Variants in SAMMSON observed in about 807,000 individuals in gnomAD.
SAMMSON encodes long intergenic non-protein coding RNA 1212.
chr3:70,292,482 T>G (rs1294334393), intron 7 of SAMMSON, among the ~76,000 whole-genome samples: 1 of 152,108 alleles, frequency 6.6e-6, no homozygotes, highest in African/African-American at 2.4e-5. Flanking sequence ...GAAACAATCG[T>G]AAAGATGAAG....
intron 4 of SAMMSON, among the ~76,000 whole-genome samples, chr3:70,171,615 T>G (rs76708080): frequency 0.031 from 4,650 of 151,524 alleles, 157 homozygotes; most frequent in East Asian, 0.18. Context: ...GCACAGTCTT[T>G]GGGGGGGGGA....
At chr3:70,414,881 A>G (rs1701250725) in intron 2 of SAMMSON, among the ~76,000 whole-genome samples, 1 of 152,202 alleles carries the variant, frequency 6.6e-6, no homozygotes, top group Admixed American at 6.5e-5. Context: ...TCTAAAGTAA[A>G]TATAATTTTT....
At chr3:70,146,766 G>C (rs888912259) in intron 4 of SAMMSON, among the ~76,000 whole-genome samples, 1 of 151,928 alleles carries the variant, frequency 6.6e-6, no homozygotes, top group Non-Finnish European at 1.5e-5. Flanking sequence ...ACAAAGCAAA[G>C]ATGTACACTT....
At chr3:70,399,956 G>T (rs1050927961) in intron 2 of SAMMSON, among the ~76,000 whole-genome samples, 3 of 148,438 alleles carry the variant, frequency 2.0e-5, no homozygotes, top group Admixed American at 1.3e-4. Context: ...TTAATGTACT[G>T]CATGCAGCTC....
chr3:70,407,665 G>A (rs1701187209), intron 2 of SAMMSON, among the ~76,000 whole-genome samples: 1 of 152,236 alleles, frequency 6.6e-6, no homozygotes, highest in African/African-American at 2.4e-5. Flanking sequence ...CCAGGGTACA[G>A]CTTCGCTCCC....
intron 4 of SAMMSON, among the ~76,000 whole-genome samples, chr3:70,138,403 G>T (rs2067514676): frequency 6.6e-6 from 1 of 152,172 alleles, no homozygotes; most frequent in South Asian, 2.1e-4. Context: ...CTAGGTGGCT[G>T]TTTTTTCCCT....
chr3:70,269,877 A>C (rs1701957441), intron 6 of SAMMSON, among the ~76,000 whole-genome samples: 1 of 152,218 alleles, frequency 6.6e-6, no homozygotes, highest in Non-Finnish European at 1.5e-5. Flanking sequence ...GAAGAAGTCA[A>C]ATATAAACTT....
At chr3:70,033,271 C>A (rs570900851) in intron 3 of SAMMSON, among the ~76,000 whole-genome samples, 1 of 152,254 alleles carries the variant, frequency 6.6e-6, no homozygotes, top group East Asian at 1.9e-4. Context: ...ATAATCATTT[C>A]CCAAGTAAAT....
At chr3:70,186,172 T>C (rs1440726626) in intron 4 of SAMMSON, among the ~76,000 whole-genome samples, 2 of 152,194 alleles carry the variant, frequency 1.3e-5, no homozygotes, top group Non-Finnish European at 2.9e-5. Context: ...GGAGGACTTA[T>C]TAAGTTTTCT....
At chr3:70,411,464 T>A (rs1701217462) in intron 2 of SAMMSON, among the ~76,000 whole-genome samples, 1 of 152,338 alleles carries the variant, frequency 6.6e-6, no homozygotes. Context: ...AATCAACAAC[T>A]ATTTTTTCAT....
At chr3:70,020,279 A>G (rs1045096051) in intron 3 of SAMMSON, among the ~76,000 whole-genome samples, 10 of 152,070 alleles carry the variant, frequency 6.6e-5, no homozygotes, top group African/African-American at 2.4e-4. Context: ...TTTTTCCACA[A>G]TCAAGAGCTA....
chr3:70,087,203 T>C, intron 4 of SAMMSON, among the ~76,000 whole-genome samples: 1 of 152,190 alleles, frequency 6.6e-6, no homozygotes, highest in East Asian at 1.9e-4. Flanking sequence ...AAGGATACTT[T>C]CCTTATTTGA....
chr3:70,369,098 G>T (rs1444017971), intron 9 of SAMMSON, among the ~76,000 whole-genome samples: 1 of 150,730 alleles, frequency 6.6e-6, no homozygotes, highest in African/African-American at 2.4e-5. Context: ...TTTATTTTTT[G>T]GTGCTATTAT....
chr3:70,360,683 G>A (rs192810735), intron 9 of SAMMSON, among the ~76,000 whole-genome samples: 1 of 152,148 alleles, frequency 6.6e-6, no homozygotes, highest in African/African-American at 2.4e-5. Context: ...CTTAATCATT[G>A]AATTTTTGAA....
At chr3:70,124,814 C>CAAAAAAAAAAAAAAAAAAA (rs1208323683) in intron 4 of SAMMSON, among the ~76,000 whole-genome samples, 11 of 53,688 alleles carry the variant, frequency 2.0e-4, no homozygotes, top group Non-Finnish European at 3.1e-4. Flanking sequence ...GACTCCATCT[C>CAAAAAAAAAAAAAAAAAAA]AAAAAAAAAA....
intron 4 of SAMMSON, among the ~76,000 whole-genome samples, chr3:70,167,850 TGG>T (rs2067644195): frequency 6.6e-6 from 1 of 151,836 alleles, no homozygotes; most frequent in African/African-American, 2.4e-5. Context: ...TCATCGCAGG[TGG>T]TGCCGATGCT....
intron 4 of SAMMSON, among the ~76,000 whole-genome samples, chr3:70,231,143 A>T (rs1323628767): frequency 6.6e-6 from 1 of 152,244 alleles, no homozygotes; most frequent in African/African-American, 2.4e-5. Flanking sequence ...TCGTACATGT[A>T]CGTGAAAAAT....
At chr3:70,032,872 A>G (rs1309305511) in intron 3 of SAMMSON, among the ~76,000 whole-genome samples, 1 of 151,692 alleles carries the variant, frequency 6.6e-6, no homozygotes, top group Non-Finnish European at 1.5e-5. Flanking sequence ...TCTTTGGACA[A>G]ATAAAGGAAA....
intron 2 of SAMMSON, among the ~76,000 whole-genome samples, chr3:70,427,724 C>T (rs997690343): frequency 3.9e-5 from 5 of 128,066 alleles, no homozygotes; most frequent in South Asian, 4.9e-4. Context: ...GGCGACAGAG[C>T]GAAACTCCGT....
Sources: gnomAD v4.1 joint callset for allele counts (sites outside exome capture counted in the v4.1 genomes callset) on GRCh38, gnomAD v4.1.1 for gene constraint, MANE v1.5 for transcripts, NCBI Gene and HGNC (gene_info 2026-07-23, HGNC 2026-07-21) for gene names.